Variants in TAF1 observed in about 807,000 individuals in gnomAD.
TAF1 encodes TATA-box binding protein associated factor 1, also known as transcription initiation factor TFIID subunit 1.
TAF1 carries 2 observed loss-of-function variants against 138.5 expected under a neutral mutation model. The observed-to-expected ratio is 0.01, with a 90% CI of 0.01 to 0.05. The LOEUF (loss-of-function observed/expected upper bound fraction) is 0.05. TAF1 is among the 10% of genes least tolerant of loss of function. The pLI is 1.00. For synonymous variants in TAF1, 437 were observed against 503.2 expected, an observed-to-expected ratio of 0.87 and a Z score of 1.76; for missense variants, 709 against 1,478.0, an observed-to-expected ratio of 0.48 and a Z score of 8.53.
chrX:71,486,035 G>A (rs1242756242), intron 13 of TAF1, among the ~76,000 whole-genome samples: 2 of 109,075 alleles, frequency 1.8e-5, no homozygotes, highest in African/African-American at 3.3e-5. Flanking sequence ...GAGTGCAGTC[G>A]TGTAATCTCT....
intron 13 of TAF1, among the ~76,000 whole-genome samples, chrX:71,504,699 G>A (rs1306557981): frequency 1.3e-5 from 1 of 77,466 alleles, no homozygotes; most frequent in Admixed American, 2.1e-4. Context: ...CTGTGATTGA[G>A]CCACTGCACT....
chrX:71,484,850 T>TG lies in TAF1; in HGVS notation c.1366+24049dup, dbSNP rs1430603395. 1.1e-4 allele frequency: 12 copies of TG among 112,048 alleles called. No homozygotes were observed. In the Admixed American group the frequency reaches 1.1e-3, roughly 11 times the overall value. 9.2% of individuals were successfully genotyped at this position (112,048 alleles called of 1,213,427 possible). ...CAAAAGACCATGACTTCTGTCTTGCTGGTATGCTCTTGCTTTCTTTTGCTT... is the reference window on the plus strand; with the variant it reads ...CAAAAGACCATGACTTCTGTCTTGCTGGGTATGCTCTTGCTTTCTTTTGCTT... On this transcript the variant is annotated intron_variant and NMD_transcript_variant, in intron 13 of 14. Transcript: ENST00000373775.
chrX:71,410,633 A>G (rs2035734947), intron 28 of TAF1, among the ~76,000 whole-genome samples: 1 of 108,013 alleles, frequency 9.3e-6, no homozygotes, highest in African/African-American at 3.4e-5. Flanking sequence ...AATTTTTTGT[A>G]TTTTTAGTAG....
intron 14 of TAF1, 36 bp downstream of exon 14, chrX:71,385,085 G>A: frequency 9.4e-7 from 1 of 1,060,746 alleles, no homozygotes; most frequent in Non-Finnish European, 1.3e-6. Context: ...TGTTAACTAA[G>A]GAAATTGATA....
rs1240808812 is a variant in TAF1 at position 71,388,275 on chromosome X, G to T, written c.2466G>T (p.Arg822=). 8.3e-7 allele frequency: 1 copy of T among 1,211,421 alleles called. No homozygotes were observed. The highest frequency in any genetic ancestry group is 1.1e-6 in the Non-Finnish European group (1 of 895,477). Residue 822 remains arginine, a synonymous_variant, in exon 16 of 38, where the codon CGG becomes CGT. Transcript: ENST00000423759. ...IYRLFWKSKD[R]PRRIRMEDIK... ...GCCTTTTCTGGAAAAGTAAAGATCGGCCACGGAGGATACGAATGGAAGATA... is the reference window on the plus strand; with the variant it reads ...GCCTTTTCTGGAAAAGTAAAGATCGTCCACGGAGGATACGAATGGAAGATA...
At position 71,487,449 on chromosome X, in the gene TAF1, G is replaced by T. The variant is rs1279924120; in HGVS notation, c.1366+26646G>T. Among the ~76,000 whole-genome samples the T allele has an allele frequency of 2.9e-5, 3 of 104,367 alleles. No homozygotes were observed. In the South Asian group the frequency reaches 1.3e-3, roughly 46 times the overall value. The allele number at this position is 104,367 out of a possible 115,157, so 90.6% of individuals were successfully genotyped here. On this transcript the variant is annotated intron_variant and NMD_transcript_variant, in intron 13 of 14. Transcript: ENST00000373775. ...AACGATTCTCCTGCCTTGGCCTCCC[G>T]AGTAGCTGGGATTACAGGTGCCCAC...
intron 14 of TAF1, 58 bp from the exon 15 acceptor site, chrX:71,387,203 T>C: frequency 1.7e-6 from 2 of 1,148,576 alleles, no homozygotes; most frequent in Non-Finnish European, 2.4e-6. Flanking sequence ...TTCTCAGCAG[T>C]TGACTGAATT....
At chrX:71,373,928 C>G (rs919941906) in intron 3 of TAF1, among the ~76,000 whole-genome samples, 2 of 110,680 alleles carry the variant, frequency 1.8e-5, no homozygotes, top group Non-Finnish European at 3.8e-5. Flanking sequence ...GGGAAACTGA[C>G]AGAGGGAGAA....
At chrX:71,423,428 T>A (rs1355268710) in intron 30 of TAF1, among the ~76,000 whole-genome samples, 189 bp downstream of exon 30, 1 of 110,749 alleles carries the variant, frequency 9.0e-6, no homozygotes, top group Non-Finnish European at 1.9e-5. Flanking sequence ...GAGTACATTA[T>A]CATTGAAATC....
At position 71,464,131 on chromosome X, in the gene TAF1, A is replaced by C; in HGVS notation, c.*85A>C. On this transcript the variant is annotated 3_prime_UTR_variant, in exon 38 of 38. Transcript: ENST00000423759. ...TTCCCCAATTTGTTCATATTTGTAC[A>C]GTATCTGATCCTGAAATCATGAAAT... 6.9e-6 allele frequency: 6 copies of C among 866,461 alleles called. No individual in the cohort carries two copies. The highest frequency in any genetic ancestry group is 9.8e-6 in the Non-Finnish European group (6 of 614,729). 71.4% of individuals were successfully genotyped at this position (866,461 alleles called of 1,213,427 possible).
rs866894259 is a variant in TAF1 at position 71,508,084 on chromosome X, C to A, written c.1367-20458C>A. 7.7e-3 allele frequency among the ~76,000 whole-genome samples: 731 copies of A among 94,684 alleles called. 8 individuals carry two copies. The highest frequency in any genetic ancestry group is 0.016 in the African/African-American group (388 of 24,208). 82.2% of individuals were successfully genotyped at this position (94,684 alleles called of 115,157 possible). The stretch of plus-strand genomic sequence containing the variant: ...ATGAATATTCTCTCTCTCTCTCTCT[C>A]TCTATATATATATATATATATATAT... On this transcript the variant is annotated intron_variant and NMD_transcript_variant, in intron 13 of 14. Transcript: ENST00000373775.
intron 37 of TAF1, 108 bp downstream of exon 37, chrX:71,460,911 T>G (rs1360451373): frequency 9.4e-7 from 1 of 1,060,112 alleles, no homozygotes; most frequent in South Asian, 2.0e-5. Context: ...CCTGGGCACC[T>G]ACTAGGGCCA....
chrX:71,472,355 T>C (rs1477482006), intron 13 of TAF1, among the ~76,000 whole-genome samples: 3 of 112,639 alleles, frequency 2.7e-5, no homozygotes, highest in African/African-American at 9.7e-5. Context: ...TTCATCCATA[T>C]AGCTTTTACT....
chrX:71,381,600 AG>A, intron 8 of TAF1, 142 bp from the exon 9 acceptor site: 1 of 599,657 alleles, frequency 1.7e-6, no homozygotes, highest in Non-Finnish European at 2.6e-6. Flanking sequence ...TACACTGTGT[AG>A]GTTCCTTTTC....
intron 34 of TAF1, among the ~76,000 whole-genome samples, chrX:71,457,943 G>C (rs1468895623): frequency 8.9e-6 from 1 of 112,256 alleles, no homozygotes; most frequent in African/African-American, 3.2e-5. Context: ...GAAAGACAAG[G>C]CTTAGAAAAA....
At chrX:71,467,086 C>CT (rs756449044), downstream of TAF1, among the ~76,000 whole-genome samples, 8,610 of 65,279 alleles carry the variant, frequency 0.13, 698 homozygotes, top group East Asian at 0.25. Context: ...GGAGGGCATT[C>CT]TTTTTTTTTT....
chrX:71,406,133 C>T (rs993847116), intron 25 of TAF1, among the ~76,000 whole-genome samples: 2 of 108,691 alleles, frequency 1.8e-5, no homozygotes, highest in South Asian at 4.0e-4. Context: ...GTTCGAGACC[C>T]GCCTGACCAA....
In TAF1 at chrX:71,368,190, G is replaced by C; in HGVS notation, c.352+20G>C. 8.4e-7 allele frequency: 1 copy of C among 1,196,827 alleles called. No homozygotes were observed. The highest frequency in any genetic ancestry group is 1.1e-6 in the Non-Finnish European group (1 of 883,048). Reference sequence around the variant, plus strand: ...ACTCAGGTGATTCTTTGGTGTATTGGCTTGAACATTCCAGTGCATTATCCT... The same window carrying C: ...ACTCAGGTGATTCTTTGGTGTATTGCCTTGAACATTCCAGTGCATTATCCT... On this transcript the variant is annotated intron_variant, in intron 3 of 37. Transcript: ENST00000423759.
intron 22 of TAF1, among the ~76,000 whole-genome samples, chrX:71,396,585 C>T (rs1159145810): frequency 9.0e-6 from 1 of 111,725 alleles, no homozygotes. Context: ...AGCCACTGTA[C>T]TCGGCCTTGT....
Sources: gnomAD v4.1 joint callset for allele counts (sites outside exome capture counted in the v4.1 genomes callset) on GRCh38, gnomAD v4.1.1 for gene constraint, MANE v1.5 for transcripts, NCBI Gene and HGNC (gene_info 2026-07-23, HGNC 2026-07-21) for gene names.